CYP4Z1: variants seen among roughly 807,000 people sequenced by gnomAD.
CYP4Z1 encodes the protein cytochrome P450 4Z1.
Under a neutral mutation model 54.2 loss-of-function variants are expected in CYP4Z1, and 41 were observed. The observed-to-expected ratio is 0.76, with a 90% CI of 0.59 to 0.98. The LOEUF is 0.98. Among genes scored for constraint, CYP4Z1 ranks in the 50% least tolerant of loss-of-function variants. The pLI, the probability that CYP4Z1 is intolerant of heterozygous loss-of-function variation, is 0.00. For missense variants in CYP4Z1, 513 were observed against 599.0 expected (o/e 0.86, Z 1.50); for synonymous variants, 163 against 206.2 (o/e 0.79, Z 1.79).
At chr1:47,076,800 G>A (rs1353825256) in intron 2 of CYP4Z1, among the ~76,000 whole-genome samples, 1 of 137,196 alleles carries the variant, frequency 7.3e-6, no homozygotes, top group Admixed American at 7.6e-5. Flanking sequence ...AGCCGAGATC[G>A]CGCCCCTGCA....
At chr1:47,066,490 A>G (rs1251574913), upstream of CYP4Z1, among the ~76,000 whole-genome samples, 2 of 152,134 alleles carry the variant, frequency 1.3e-5, no homozygotes, top group Non-Finnish European at 2.9e-5. Flanking sequence ...TAAAACTCTC[A>G]TCAACAAAAC....
At chr1:47,057,335 A>AAAAAAAAAAAAATAT in the CYP4Z1 span, among the ~76,000 whole-genome samples, 65 of 28,404 alleles carry the variant, frequency 2.3e-3, no homozygotes, top group East Asian at 4.9e-3. Context: ...AAGAAAAAAA[A>AAAAAAAAAAAAATAT]ATATATATAT....
intron 2 of CYP4Z1, among the ~76,000 whole-genome samples, chr1:47,069,746 G>A (rs1644478723): frequency 6.6e-6 from 1 of 150,380 alleles, no homozygotes; most frequent in South Asian, 2.1e-4. Flanking sequence ...AGGGCATCTG[G>A]GCAGGCCATA....
chr1:47,057,813 T>G, the CYP4Z1 span, among the ~76,000 whole-genome samples: 2 of 152,048 alleles, frequency 1.3e-5, no homozygotes, highest in Non-Finnish European at 2.9e-5. Context: ...TTGGTTTATA[T>G]TAACAACTTT....
intron 11 of CYP4Z1, among the ~76,000 whole-genome samples, chr1:47,116,946 G>C (rs1644834659): frequency 6.6e-6 from 1 of 152,266 alleles, no homozygotes. Context: ...CTGGTCCTTG[G>C]CATATGGGTG....
intron 8 of CYP4Z1, among the ~76,000 whole-genome samples, chr1:47,100,837 A>G (rs1316159313): frequency 6.6e-6 from 1 of 152,212 alleles, no homozygotes; most frequent in Non-Finnish European, 1.5e-5. Flanking sequence ...CCTCACAGAT[A>G]AGTGGGGACT....
At chr1:47,089,874 GAGAAT>G (rs1644626370) in intron 6 of CYP4Z1, among the ~76,000 whole-genome samples, 1 of 152,288 alleles carries the variant, frequency 6.6e-6, no homozygotes. Context: ...GGTTTGCTTA[GAGAAT>G]AAGTTCAGGC....
intron 9 of CYP4Z1, among the ~76,000 whole-genome samples, chr1:47,114,723 A>G (rs1345005775): frequency 1.3e-5 from 2 of 152,234 alleles, no homozygotes; most frequent in African/African-American, 4.8e-5. Context: ...CATCAGAGAA[A>G]TGCAAATCAA....
intron 9 of CYP4Z1, among the ~76,000 whole-genome samples, chr1:47,109,767 T>A (rs1569756753): frequency 6.6e-6 from 1 of 152,068 alleles, no homozygotes; most frequent in African/African-American, 2.4e-5. Context: ...TAAAATCAGA[T>A]CAGTTGCAGG....
At chr1:47,087,153 C>T (rs1173560894) in intron 6 of CYP4Z1, among the ~76,000 whole-genome samples, 1 of 152,082 alleles carries the variant, frequency 6.6e-6, no homozygotes, top group African/African-American at 2.4e-5. Context: ...GTTCTTTTGG[C>T]TTACAATTGA....
chr1:47,085,934 A>C (rs1391860289), intron 6 of CYP4Z1, among the ~76,000 whole-genome samples: 4 of 148,236 alleles, frequency 2.7e-5, no homozygotes, highest in Non-Finnish European at 4.4e-5. Context: ...ATGAGTGAGA[A>C]CATGCGGTGT....
chr1:47,063,098 C>G (rs748714371), upstream of CYP4Z1, among the ~76,000 whole-genome samples: 1 of 152,142 alleles, frequency 6.6e-6, no homozygotes, highest in Non-Finnish European at 1.5e-5. Context: ...AGCCTAGAGC[C>G]TCGTAGCTCT....
At chr1:47,062,253 T>C (rs185080519), upstream of CYP4Z1, among the ~76,000 whole-genome samples, 92 of 147,936 alleles carry the variant, frequency 6.2e-4, 1 homozygote, top group East Asian at 9.2e-3. Flanking sequence ...AGCTCCCACT[T>C]GGACAGAACA....
chr1:47,064,080 CTTTT>C (rs34267768), upstream of CYP4Z1, among the ~76,000 whole-genome samples: 4 of 119,548 alleles, frequency 3.3e-5, no homozygotes, highest in Non-Finnish European at 6.8e-5. Context: ...GATTTGGGTC[CTTTT>C]TTTTTTTTTT....
intron 10 of CYP4Z1, among the ~76,000 whole-genome samples, chr1:47,115,797 A>C (rs1248630363): frequency 6.6e-6 from 1 of 152,224 alleles, no homozygotes; most frequent in African/African-American, 2.4e-5. Flanking sequence ...CCTTATCAAC[A>C]GAAGCATATC....
At position 47,067,313 on chromosome 1, in the gene CYP4Z1, A is replaced by T. The variant is rs116390521; in HGVS notation, c.-178A>T. On this transcript the variant is annotated 5_prime_UTR_variant, in exon 1 of 12. Transcript: ENST00000334194. ...ATCCAGGTCTGCTGGCCAACATCTC[A>T]GCAGTTTTCACCCTGCAGACTTAAT... Among the ~76,000 whole-genome samples the T allele has an allele frequency of 2.6e-5, 4 of 152,192 alleles. No individual in the cohort carries two copies. Among genetic ancestry groups the T allele is most frequent in the African/African-American group, 7.2e-5 (3 of 41,442 alleles).
intron 7 of CYP4Z1, among the ~76,000 whole-genome samples, chr1:47,095,581 T>A (rs542458216): frequency 8.7e-4 from 133 of 152,350 alleles, no homozygotes; most frequent in African/African-American, 3.1e-3. Flanking sequence ...TGTAGTTATT[T>A]TATATTTTAA....
Position 47,068,607 on chromosome 1 carries a change from C to T in CYP4Z1, c.178-15C>T, listed in dbSNP as rs776930903. The T allele has an allele frequency of 6.2e-7, 1 of 1,613,198 alleles. No individual in the cohort carries two copies. Among genetic ancestry groups the T allele is most frequent in the East Asian group, 2.2e-5 (1 of 44,888 alleles). On this transcript the variant is annotated splice_polypyrimidine_tract_variant and intron_variant, in intron 1 of 11. Coordinates refer to ENST00000334194, the MANE Select transcript of CYP4Z1 (RefSeq NM_178134.3). ...GACAACCTTTACTAACCAGTCATGACTTATCTTATGACAGTTTTACCCAGT... is the reference window on the plus strand; with the variant it reads ...GACAACCTTTACTAACCAGTCATGATTTATCTTATGACAGTTTTACCCAGT...
At chr1:47,064,079 C>T (rs1300115380), upstream of CYP4Z1, among the ~76,000 whole-genome samples, 22 of 131,518 alleles carry the variant, frequency 1.7e-4, no homozygotes, top group African/African-American at 6.4e-4. Flanking sequence ...GGATTTGGGT[C>T]CTTTTTTTTT....
Sources: allele counts gnomAD v4.1 joint callset (sites outside exome capture counted in the v4.1 genomes callset), GRCh38; gene constraint gnomAD v4.1.1; transcripts MANE v1.5; gene names NCBI Gene and HGNC (gene_info 2026-07-23, HGNC 2026-07-21).